SPATA1: variants seen among roughly 807,000 people sequenced by gnomAD.
SPATA1 encodes spermatogenesis-associated protein 1.
Under a neutral mutation model 59.6 loss-of-function variants are expected in SPATA1, and 57 were observed. The ratio of observed to expected loss-of-function variants is 0.96; its 90% CI spans 0.77 to 1.19. SPATA1 has a LOEUF of 1.19. Among genes scored for constraint, SPATA1 ranks in the 50% most tolerant of loss-of-function variants. The pLI is 0.00. For missense variants in SPATA1, 448 were observed against 480.7 expected, an observed-to-expected ratio of 0.93 and a Z score of 0.64; for synonymous variants, 147 against 163.9, an observed-to-expected ratio of 0.90 and a Z score of 0.79.
At chr1:84,552,064 G>A (rs1684289471) in intron 12 of SPATA1, 1 of 152,050 alleles carries the variant, frequency 6.6e-6, no homozygotes, top group South Asian at 2.1e-4. Flanking sequence ...ATAGGCTGGG[G>A]GGAAAAAATC....
At chr1:84,521,216 G>A (rs1189337592) in intron 3 of SPATA1, among the ~76,000 whole-genome samples, 1 of 152,038 alleles carries the variant, frequency 6.6e-6, no homozygotes, top group Non-Finnish European at 1.5e-5. Flanking sequence ...AGGGAAAACT[G>A]CTGATCTGAG....
chr1:84,516,366 C>T, exon 2 of SPATA1: 1 of 1,522,294 alleles, frequency 6.6e-7, no homozygotes, highest in Non-Finnish European at 8.8e-7. Context: ...GAATATGTCA[C>T]TCAATCCAAG....
chr1:84,565,890 C>T (rs772480303), exon 5 of SPATA1: 11 of 1,588,110 alleles, frequency 6.9e-6, no homozygotes, highest in Non-Finnish European at 9.4e-6. Context: ...TACATTCTGA[C>T]CAGATCTGAC....
At chr1:84,531,677 C>T (rs1683476023) in intron 6 of SPATA1, among the ~76,000 whole-genome samples, 1 of 147,662 alleles carries the variant, frequency 6.8e-6, no homozygotes, top group African/African-American at 2.5e-5. Flanking sequence ...AGGATCAAGA[C>T]ATCCTCCCAC....
intron 4 of SPATA1, chr1:84,563,936 T>C (rs1684641864): frequency 1.5e-6 from 2 of 1,309,684 alleles, no homozygotes; most frequent in African/African-American, 3.0e-5. Flanking sequence ...AACAAGTACA[T>C]TTATAAAAAA....
chr1:84,566,464 G>C (rs534739000), downstream of SPATA1, among the ~76,000 whole-genome samples: 1 of 152,194 alleles, frequency 6.6e-6, no homozygotes, highest in Non-Finnish European at 1.5e-5. Context: ...TGGGTTGGGA[G>C]TTTCAGCCTG....
At chr1:84,525,730 A>G in exon 5 of SPATA1, 1 of 1,598,802 alleles carries the variant, frequency 6.3e-7, no homozygotes, top group African/African-American at 1.4e-5. Context: ...CTGAAACTCA[A>G]ATCATTTGCT....
downstream of SPATA1, chr1:84,554,684 A>G (rs1684376110): frequency 1.9e-5 from 4 of 209,438 alleles, no homozygotes; most frequent in Non-Finnish European, 3.9e-5. Flanking sequence ...ATTCGTGAGC[A>G]TATATTTTAC....
chr1:84,547,927 T>C (rs1362757642), intron 10 of SPATA1, among the ~76,000 whole-genome samples: 3 of 152,168 alleles, frequency 2.0e-5, no homozygotes, highest in African/African-American at 7.2e-5. Context: ...GAATACCCTG[T>C]ACAGGGGCAA....
At chr1:84,546,987 G>A (rs889752287) in intron 10 of SPATA1, among the ~76,000 whole-genome samples, 2 of 152,158 alleles carry the variant, frequency 1.3e-5, no homozygotes, top group African/African-American at 4.8e-5. Context: ...TTGTGTTGAG[G>A]ATTATAAGGA....
chr1:84,553,089 A>G, exon 13 of SPATA1: 1 of 1,367,502 alleles, frequency 7.3e-7, no homozygotes, highest in Non-Finnish European at 9.8e-7. Flanking sequence ...ACTGGCACAG[A>G]AAAAAAAAAT....
At chr1:84,514,132 A>G (rs1156931910) in intron 1 of SPATA1, among the ~76,000 whole-genome samples, 1 of 152,186 alleles carries the variant, frequency 6.6e-6, no homozygotes, top group Non-Finnish European at 1.5e-5. Flanking sequence ...GGCACAAGCC[A>G]CCACGCCCGG....
chr1:84,550,503 C>T, exon 12 of SPATA1: 1 of 1,554,938 alleles, frequency 6.4e-7, no homozygotes, highest in Non-Finnish European at 8.7e-7. Context: ...TAGATACTGA[C>T]AAAATGAAAC....
intron 12 of SPATA1, chr1:84,552,938 T>C: frequency 1.3e-6 from 1 of 743,496 alleles, no homozygotes; most frequent in Non-Finnish European, 2.2e-6. Flanking sequence ...GAGAAGACAG[T>C]TAAAGCGGTT....
intron 4 of SPATA1, among the ~76,000 whole-genome samples, chr1:84,560,418 A>T (rs1056353662): frequency 2.6e-5 from 4 of 152,144 alleles, no homozygotes; most frequent in Non-Finnish European, 4.4e-5. Flanking sequence ...GCATTAGCTC[A>T]TGCCCTTTAT....
chr1:84,552,379 G>A (rs1684299801), intron 12 of SPATA1: 1 of 152,164 alleles, frequency 6.6e-6, no homozygotes, highest in Non-Finnish European at 1.5e-5. Context: ...TAATGCTGCT[G>A]TCCACAGACA....
At chr1:84,544,148 A>T (rs1185329709) in intron 8 of SPATA1, 54 bp from the exon 9 acceptor site, 23 of 1,210,978 alleles carry the variant, frequency 1.9e-5, no homozygotes, top group African/African-American at 4.5e-5. Context: ...CGGGCAAGTG[A>T]AAAAAGAATG....
At chr1:84,527,521 A>G (rs928718396) in intron 6 of SPATA1, 1 of 151,992 alleles carries the variant, frequency 6.6e-6, no homozygotes, top group Non-Finnish European at 1.5e-5. Context: ...ATATTCTTCC[A>G]GTTATTATTT....
At chr1:84,553,160 TTAAA>T (rs1191786233) in exon 13 of SPATA1, 2 of 1,206,754 alleles carry the variant, frequency 1.7e-6, no homozygotes, top group Non-Finnish European at 2.3e-6. Flanking sequence ...GTAAAAAAAT[TTAAA>T]TATGTATTTG....
Sources: gnomAD v4.1 joint callset for allele counts (sites outside exome capture counted in the v4.1 genomes callset) on GRCh38, gnomAD v4.1.1 for gene constraint, MANE v1.5 for transcripts, NCBI Gene and HGNC (gene_info 2026-07-23, HGNC 2026-07-21) for gene names.